The following SCFD1 variants were observed in gnomAD, a reference collection of about 807,000 sequenced individuals.
SCFD1 encodes the protein sec1 family domain containing 1.
Under a neutral mutation model 103.2 loss-of-function variants are expected in SCFD1, and 37 were observed. The observed-to-expected ratio is 0.36, with a 90% confidence interval of 0.28 to 0.47. The LOEUF is 0.47. Ranked by LOEUF, SCFD1 falls within the 20% of genes least tolerant of loss-of-function variation. SCFD1 has a pLI of 1.00. For synonymous variants in SCFD1, 264 were observed against 245.0 expected, an observed-to-expected ratio of 1.08 and a Z score of -0.73; for missense variants, 639 against 761.2, an observed-to-expected ratio of 0.84 and a Z score of 1.89.
chr14:30,627,144 A>G (rs565824306), intron 1 of SCFD1, among the ~76,000 whole-genome samples: 41 of 152,270 alleles, frequency 2.7e-4, no homozygotes, highest in African/African-American at 9.4e-4. Context: ...CAGTTTCACG[A>G]AGAAGTATAT....
intron 23 of SCFD1, among the ~76,000 whole-genome samples, chr14:30,730,120 G>A (rs988259814): frequency 4.6e-5 from 7 of 152,052 alleles, no homozygotes; most frequent in African/African-American, 1.7e-4. Context: ...TTGGTTTTTT[G>A]TTCTTGCTAT....
chr14:30,668,183 A>G (rs921935774), intron 10 of SCFD1, among the ~76,000 whole-genome samples: 1 of 152,226 alleles, frequency 6.6e-6, no homozygotes, highest in African/African-American at 2.4e-5. Flanking sequence ...ACAGCATGGT[A>G]CTGGTACCAA....
intron 20 of SCFD1, among the ~76,000 whole-genome samples, chr14:30,716,938 A>T (rs930839138): frequency 1.3e-5 from 2 of 152,244 alleles, no homozygotes; most frequent in African/African-American, 4.8e-5. Flanking sequence ...GGGAATCAAT[A>T]CAGATAAAGT....
chr14:30,647,428 G>T (rs1353000406), intron 7 of SCFD1, among the ~76,000 whole-genome samples: 1 of 150,998 alleles, frequency 6.6e-6, no homozygotes, highest in Non-Finnish European at 1.5e-5. Flanking sequence ...TAATTTTCCT[G>T]TTTTCTGCTT....
chr14:30,725,916 C>G (rs1490472977), intron 23 of SCFD1, among the ~76,000 whole-genome samples: 1 of 152,122 alleles, frequency 6.6e-6, no homozygotes, highest in Non-Finnish European at 1.5e-5. Flanking sequence ...CAAGTTGCCC[C>G]CTAGTCTTGA....
intron 15 of SCFD1, among the ~76,000 whole-genome samples, chr14:30,695,900 G>A (rs747541653): frequency 2.0e-5 from 3 of 151,706 alleles, no homozygotes; most frequent in Non-Finnish European, 4.4e-5. Flanking sequence ...AAAACCACAG[G>A]CAAAAATAGT....
rs982177516 is a variant in SCFD1 at position 30,639,996 on chromosome 14, A to G, written c.523+132A>G. The G allele has an allele frequency of 1.3e-5, 14 of 1,052,874 alleles. No homozygotes were observed. In the East Asian group the frequency reaches 2.7e-4, roughly 20 times the overall value. The allele number at this position is 1,052,874 out of a possible 1,614,324, so 65.2% of individuals were successfully genotyped here. On this transcript the variant is annotated intron_variant, in intron 6 of 24. Coordinates refer to ENST00000458591, the MANE Select transcript of SCFD1 (RefSeq NM_016106.4). ...GCAGTAGAGCTATAGAAGCTTTTTAAAAGCACACAGAGAAAACAAGGCTCA... is the reference window on the plus strand; with the variant it reads ...GCAGTAGAGCTATAGAAGCTTTTTAGAAGCACACAGAGAAAACAAGGCTCA...
intron 16 of SCFD1, among the ~76,000 whole-genome samples, chr14:30,701,717 A>G (rs570065206): frequency 6.6e-6 from 1 of 152,254 alleles, no homozygotes; most frequent in Non-Finnish European, 1.5e-5. Context: ...GGTAAGGATT[A>G]TGTCTTTTCA....
At chr14:30,722,961 T>C (rs1327689991) in intron 23 of SCFD1, 1 of 152,894 alleles carries the variant, frequency 6.5e-6, no homozygotes, top group East Asian at 1.9e-4. Context: ...ACTTGGATTT[T>C]TTTGTTTTGT....
chr14:30,641,097 G>A (rs1885223770), intron 6 of SCFD1, among the ~76,000 whole-genome samples: 1 of 151,554 alleles, frequency 6.6e-6, no homozygotes, highest in Non-Finnish European at 1.5e-5. Flanking sequence ...TGAGGAAATG[G>A]TAGAGCCAGC....
intron 19 of SCFD1, chr14:30,715,283 A>C (rs796454153): frequency 1.6e-4 from 24 of 152,174 alleles, no homozygotes; most frequent in African/African-American, 5.5e-4. Context: ...AAATGAAAAA[A>C]ATACAGTGGG....
intron 10 of SCFD1, among the ~76,000 whole-genome samples, chr14:30,659,000 T>C (rs1349866650): frequency 2.6e-5 from 4 of 152,350 alleles, no homozygotes; most frequent in African/African-American, 9.6e-5. Flanking sequence ...TGAAGGTCTG[T>C]AGGCTATGTA....
chr14:30,734,993 G>A, intron 24 of SCFD1, 135 bp downstream of exon 24: 1 of 634,668 alleles, frequency 1.6e-6, no homozygotes, highest in Non-Finnish European at 2.8e-6. Flanking sequence ...ACCAAGATAA[G>A]GTGTTTTCAT....
intron 7 of SCFD1, among the ~76,000 whole-genome samples, chr14:30,647,497 TA>T (rs879778744): frequency 7.9e-5 from 12 of 152,204 alleles, no homozygotes; most frequent in Non-Finnish European, 1.8e-4. Flanking sequence ...AAAAGCTGGT[TA>T]AAAATATATA....
chr14:30,732,124 A>C (rs1023050411), intron 23 of SCFD1, among the ~76,000 whole-genome samples: 1 of 152,220 alleles, frequency 6.6e-6, no homozygotes, highest in South Asian at 2.1e-4. Context: ...TGGATTCCTC[A>C]TTCCAAGTGC....
intron 17 of SCFD1, among the ~76,000 whole-genome samples, chr14:30,704,545 A>G (rs1445399772): frequency 6.6e-6 from 1 of 152,198 alleles, no homozygotes; most frequent in African/African-American, 2.4e-5. Flanking sequence ...TTGTTAATGC[A>G]GAAATTCTAA....
chr14:30,683,103 G>T (rs1213585976), intron 14 of SCFD1: 3 of 1,311,332 alleles, frequency 2.3e-6, no homozygotes, highest in Non-Finnish European at 2.2e-6. Context: ...CTTCTTAAAA[G>T]CTGTGGGGTT....
At chr14:30,629,577 A>AT (rs571309645) in intron 2 of SCFD1, among the ~76,000 whole-genome samples, 8,984 of 135,578 alleles carry the variant, frequency 0.066, 662 homozygotes, top group African/African-American at 0.17. Context: ...TAGGGACTTA[A>AT]TTTTTTTTTT....
intron 10 of SCFD1, among the ~76,000 whole-genome samples, chr14:30,654,673 C>CA (rs397967329): frequency 0.18 from 14,490 of 82,158 alleles, 1,356 homozygotes; most frequent in African/African-American, 0.33. Flanking sequence ...GACCTAGTCT[C>CA]AAAAAAAAAA....
Sources: gnomAD v4.1 joint callset for allele counts (sites outside exome capture counted in the v4.1 genomes callset) on GRCh38, gnomAD v4.1.1 for gene constraint, MANE v1.5 for transcripts, NCBI Gene and HGNC (gene_info 2026-07-23, HGNC 2026-07-21) for gene names.